The following BEND6 variants were observed in gnomAD, a reference collection of about 807,000 sequenced individuals.
BEND6 encodes BEN domain-containing protein 6.
In BEND6, 24 loss-of-function variants were observed where a neutral mutation model predicts 31.8. The observed-to-expected ratio is 0.75, with a 90% CI of 0.55 to 1.06. The LOEUF is 1.06. BEND6 is among the 50% of genes least tolerant of loss of function. The pLI, the probability that BEND6 is intolerant of heterozygous loss-of-function variation, is 0.00. For missense variants in BEND6, 294 were observed against 327.4 expected (o/e 0.90, Z 0.79); for synonymous variants, 109 against 114.6 (o/e 0.95, Z 0.31).
At position 56,955,292 on chromosome 6, in the gene BEND6, C is replaced by G. The variant is rs1292485802; in HGVS notation, c.-269C>G. The G allele has an allele frequency of 1.3e-5, 2 of 152,202 alleles. No homozygotes were observed. Among genetic ancestry groups the G allele is most frequent in the Non-Finnish European group, 2.9e-5 (2 of 68,060 alleles). The allele number at this position is 152,202 out of a possible 1,614,324, so 9.4% of individuals were successfully genotyped here. A position where few individuals can be genotyped will look rare whatever the true frequency, so the allele number is the denominator to read the frequency against. On this transcript the variant is annotated 5_prime_UTR_variant, in exon 1 of 7. Transcript: ENST00000370746. ...CTTCCCGGACACCCGGAGCTTCCGC[C>G]TATCCAGCCTCCCTCGGCCAAATTG...
intron 3 of BEND6, chr6:57,010,991 T>G (rs17685380): frequency 0.15 from 49,041 of 331,014 alleles, 4,168 homozygotes; most frequent in Middle Eastern, 0.21. Context: ...CTGCTTATAA[T>G]GTGCTAGGCA....
intron 1 of BEND6, among the ~76,000 whole-genome samples, chr6:56,978,280 CTAAAATAAAA>C (rs916609925): frequency 7.2e-5 from 11 of 151,926 alleles, no homozygotes; most frequent in African/African-American, 1.2e-4. Flanking sequence ...AAGACCCTGT[CTAAAATAAAA>C]TAAAATAAAA....
chr6:56,997,787 C>A (rs1355435428), intron 3 of BEND6, among the ~76,000 whole-genome samples: 2 of 152,100 alleles, frequency 1.3e-5, no homozygotes, highest in Non-Finnish European at 2.9e-5. Context: ...CTCCTGACCT[C>A]GTGATCCACC....
chr6:57,011,715 CAAA>C (rs770049459), intron 3 of BEND6, among the ~76,000 whole-genome samples: 2 of 34,108 alleles, frequency 5.9e-5, no homozygotes, highest in Non-Finnish European at 1.2e-4. Context: ...GGCCCTGTCT[CAAA>C]AAAAAAAAAA....
At position 57,017,404 on chromosome 6, in the gene BEND6, T is replaced by C; in HGVS notation, c.712+5T>C. 1.5e-6 allele frequency: 2 copies of C among 1,341,406 alleles called. No homozygotes were observed. Among genetic ancestry groups the C allele is most frequent in the Non-Finnish European group, 1.9e-6 (2 of 1,035,674 alleles). The allele number at this position is 1,341,406 out of a possible 1,614,324, so 83.1% of individuals were successfully genotyped here. ...ATGAAGTCCAAGAAATCATAGGTGATAATATGATTGCGTTATATTGTCGTA... is the reference window on the plus strand; with the variant it reads ...ATGAAGTCCAAGAAATCATAGGTGACAATATGATTGCGTTATATTGTCGTA... On this transcript the variant is annotated splice_donor_5th_base_variant and intron_variant, in intron 5 of 6. Coordinates refer to ENST00000370746, the MANE Select transcript of BEND6 (RefSeq NM_152731.3).
chr6:56,956,969 CA>C (rs746838268), intron 1 of BEND6, among the ~76,000 whole-genome samples: 12 of 152,204 alleles, frequency 7.9e-5, no homozygotes, highest in Non-Finnish European at 1.6e-4. Context: ...AAATAACTAA[CA>C]GAATTTTGGA....
intron 1 of BEND6, among the ~76,000 whole-genome samples, chr6:56,965,696 A>G (rs905545078): frequency 7.7e-5 from 11 of 143,170 alleles, no homozygotes; most frequent in Non-Finnish European, 1.4e-4. Context: ...ATATATATAT[A>G]TATATATGCG....
chr6:56,967,612 G>C (rs764512759), intron 1 of BEND6, among the ~76,000 whole-genome samples: 1 of 152,022 alleles, frequency 6.6e-6, no homozygotes, highest in Non-Finnish European at 1.5e-5. Context: ...CCAAAGAAAG[G>C]GTCTCCTTCT....
At chr6:56,984,127 G>A (rs1240949701) in intron 2 of BEND6, among the ~76,000 whole-genome samples, 1 of 151,926 alleles carries the variant, frequency 6.6e-6, no homozygotes, top group Non-Finnish European at 1.5e-5. Context: ...AGGTTGAGGT[G>A]GGAGGATCGC....
intron 1 of BEND6, among the ~76,000 whole-genome samples, chr6:56,979,723 C>T (rs1219134213): frequency 1.3e-5 from 2 of 152,192 alleles, no homozygotes; most frequent in African/African-American, 4.8e-5. Flanking sequence ...TGTCTTCTCT[C>T]TTGCTATGTA....
intron 1 of BEND6, among the ~76,000 whole-genome samples, chr6:56,967,909 A>G (rs1291428635): frequency 6.6e-6 from 1 of 152,224 alleles, no homozygotes; most frequent in Non-Finnish European, 1.5e-5. Flanking sequence ...TAAAGTGTGG[A>G]TAATACTTGT....
intron 1 of BEND6, among the ~76,000 whole-genome samples, chr6:56,970,117 C>G (rs953464410): frequency 6.6e-6 from 1 of 152,010 alleles, no homozygotes; most frequent in African/African-American, 2.4e-5. Context: ...TGTGTATTTT[C>G]TAGATCAAAA....
At chr6:57,021,729 C>T (rs1400496103) in intron 6 of BEND6, among the ~76,000 whole-genome samples, 1 of 152,166 alleles carries the variant, frequency 6.6e-6, no homozygotes, top group African/African-American at 2.4e-5. Flanking sequence ...ACCAAACTGC[C>T]TTCTCCTGAA....
intron 3 of BEND6, among the ~76,000 whole-genome samples, chr6:56,994,328 G>A (rs368580243): frequency 6.6e-6 from 1 of 151,634 alleles, no homozygotes; most frequent in Non-Finnish European, 1.5e-5. Flanking sequence ...GCGTGGTGGC[G>A]GGCACCTGTA....
intron 3 of BEND6, among the ~76,000 whole-genome samples, chr6:56,993,611 A>G (rs1826591816): frequency 6.6e-6 from 1 of 152,246 alleles, no homozygotes; most frequent in Non-Finnish European, 1.5e-5. Flanking sequence ...AAGGCTTCAT[A>G]CTTTTAAGTA....
At chr6:57,001,153 G>A (rs1826925765) in intron 3 of BEND6, among the ~76,000 whole-genome samples, 1 of 98,060 alleles carries the variant, frequency 1.0e-5, no homozygotes, top group East Asian at 3.2e-4. Flanking sequence ...TAAAGAAAAA[G>A]TCTTTTTTTT....
chr6:56,958,971 C>T (rs1825193170), intron 1 of BEND6, among the ~76,000 whole-genome samples: 1 of 152,104 alleles, frequency 6.6e-6, no homozygotes, highest in Admixed American at 6.5e-5. Flanking sequence ...AAATTTAACT[C>T]TAAAGGGGAT....
intron 3 of BEND6, 80 bp downstream of exon 3, chr6:56,992,635 G>A: frequency 2.1e-6 from 3 of 1,412,210 alleles, no homozygotes; most frequent in East Asian, 2.4e-5. Flanking sequence ...TAGCTGTCAA[G>A]AATGAAGAAG....
At chr6:57,014,450 A>G in intron 3 of BEND6, 1 of 1,465,104 alleles carries the variant, frequency 6.8e-7, no homozygotes, top group Non-Finnish European at 9.1e-7. Context: ...ACAACATGTT[A>G]TTTGTCCTTA....
Sources: gnomAD v4.1 joint callset for allele counts (sites outside exome capture counted in the v4.1 genomes callset) on GRCh38, gnomAD v4.1.1 for gene constraint, MANE v1.5 for transcripts, NCBI Gene and HGNC (gene_info 2026-07-23, HGNC 2026-07-21) for gene names.